Variants in CMIP observed in about 807,000 individuals in gnomAD.
CMIP encodes c-Maf inducing protein.
Under a neutral mutation model 97.3 loss-of-function variants are expected in CMIP, and 13 were observed. That is an observed-to-expected ratio of 0.13 (90% CI 0.09 to 0.21). The LOEUF (loss-of-function observed/expected upper bound fraction) is 0.21. CMIP is among the 10% of genes least tolerant of loss of function. The pLI is 1.00. For missense variants in CMIP, 847 were observed against 1,024.9 expected (o/e 0.83, Z 2.37); for synonymous variants, 538 against 436.3 (o/e 1.23, Z -2.91).
intron 1 of CMIP, among the ~76,000 whole-genome samples, chr16:81,551,308 AG>A (rs1281662767): frequency 6.6e-6 from 1 of 152,258 alleles, no homozygotes; most frequent in African/African-American, 2.4e-5. Flanking sequence ...ACCAAAAGCC[AG>A]GAAAATGGGG....
At chr16:81,561,081 A>G (rs1438965483) in intron 1 of CMIP, among the ~76,000 whole-genome samples, 2 of 152,134 alleles carry the variant, frequency 1.3e-5, no homozygotes, top group African/African-American at 2.4e-5. Flanking sequence ...CAGCCTCCTA[A>G]GTAGCTGGGA....
At chr16:81,583,099 G>C (rs2091323554) in intron 1 of CMIP, among the ~76,000 whole-genome samples, 1 of 152,262 alleles carries the variant, frequency 6.6e-6, no homozygotes, top group Non-Finnish European at 1.5e-5. Flanking sequence ...CACTCAGAGG[G>C]TAAGCTCTGG....
At chr16:81,641,380 A>G (rs564168469) in intron 3 of CMIP, among the ~76,000 whole-genome samples, 1 of 152,150 alleles carries the variant, frequency 6.6e-6, no homozygotes, top group Admixed American at 6.5e-5. Flanking sequence ...CCTGCTCCCA[A>G]GCAGCTCCTA....
chr16:81,702,496 C>G, intron 16 of CMIP, 126 bp from the exon 17 acceptor site: 1 of 971,494 alleles, frequency 1.0e-6, no homozygotes, highest in Non-Finnish European at 1.6e-6. Context: ...GAGACCAAGA[C>G]CACCGTGTTG....
intron 1 of CMIP, among the ~76,000 whole-genome samples, chr16:81,552,571 A>G (rs1362138019): frequency 6.6e-6 from 1 of 152,018 alleles, no homozygotes; most frequent in African/African-American, 2.4e-5. Flanking sequence ...CCTGTGTACC[A>G]TCTCCCAGCC....
chr16:81,480,733 C>T (rs1367886860), intron 1 of CMIP, among the ~76,000 whole-genome samples: 2 of 152,214 alleles, frequency 1.3e-5, no homozygotes. Flanking sequence ...CACTGATTCA[C>T]GTTCTCTCAT....
chr16:81,540,190 A>C (rs1195445420), intron 1 of CMIP, among the ~76,000 whole-genome samples: 2 of 152,194 alleles, frequency 1.3e-5, no homozygotes, highest in African/African-American at 4.8e-5. Flanking sequence ...CAGCTTAGTG[A>C]CCAGCATCGC....
At chr16:81,674,082 G>A (rs1431168842) in intron 9 of CMIP, among the ~76,000 whole-genome samples, 1 of 152,116 alleles carries the variant, frequency 6.6e-6, no homozygotes, top group Non-Finnish European at 1.5e-5. Flanking sequence ...ATGAGAGAGG[G>A]TGACTCTTTT....
intron 1 of CMIP, among the ~76,000 whole-genome samples, chr16:81,562,836 G>C (rs1306951639): frequency 1.3e-5 from 2 of 152,164 alleles, no homozygotes; most frequent in African/African-American, 4.8e-5. Flanking sequence ...ACACTTACTT[G>C]CTCAAAGTCA....
intron 2 of CMIP, among the ~76,000 whole-genome samples, chr16:81,608,156 GA>G (rs1304107237): frequency 6.6e-6 from 1 of 151,974 alleles, no homozygotes; most frequent in Non-Finnish European, 1.5e-5. Flanking sequence ...ATCTTTTTGG[GA>G]AAAAAAGTGC....
intron 1 of CMIP, among the ~76,000 whole-genome samples, chr16:81,543,033 G>C (rs780353729): frequency 7.9e-5 from 12 of 152,202 alleles, no homozygotes; most frequent in Non-Finnish European, 1.6e-4. Context: ...GAGCCAGTCC[G>C]TTCCACGGGG....
intron 1 of CMIP, among the ~76,000 whole-genome samples, chr16:81,556,090 G>A (rs979174524): frequency 1.3e-5 from 2 of 152,188 alleles, no homozygotes; most frequent in Non-Finnish European, 2.9e-5. Flanking sequence ...CCAGCGGTGA[G>A]CTATTTGTTC....
At chr16:81,449,666 A>G (rs1906085790) in intron 1 of CMIP, among the ~76,000 whole-genome samples, 1 of 98,382 alleles carries the variant, frequency 1.0e-5, no homozygotes, top group South Asian at 2.7e-4. Flanking sequence ...AAACACACAG[A>G]TTTCCCCCCC....
rs774219829 is a variant in CMIP at position 81,571,987 on chromosome 16, G to A, written c.301-35580G>A. ...TCACTGGAGGAAGGGTGTCTCGGAA[G>A]AGTTGCATCATGAGACCCTTGGTGG... On this transcript the variant is annotated intron_variant, in intron 1 of 20. Coordinates refer to ENST00000537098, the MANE Select transcript of CMIP (RefSeq NM_198390.3). 6.6e-5 allele frequency among the ~76,000 whole-genome samples: 10 copies of A among 152,356 alleles called. No individual in the cohort carries two copies. The South Asian group carries it at 2.1e-3, about 32-fold the overall frequency.
intron 1 of CMIP, among the ~76,000 whole-genome samples, chr16:81,587,406 G>A (rs1187502117): frequency 6.6e-6 from 1 of 152,184 alleles, no homozygotes; most frequent in Non-Finnish European, 1.5e-5. Context: ...CTGTGTCTGT[G>A]CCATATGTAC....
chr16:81,630,055 G>C (rs934886770), intron 3 of CMIP: 2 of 152,252 alleles, frequency 1.3e-5, no homozygotes, highest in East Asian at 1.9e-4. Context: ...AGACTGCCCA[G>C]GTTCCAACCC....
chr16:81,649,135 T>C (rs991917750), intron 3 of CMIP, among the ~76,000 whole-genome samples: 1 of 152,236 alleles, frequency 6.6e-6, no homozygotes, highest in East Asian at 1.9e-4. Flanking sequence ...TTGAGTGGGA[T>C]AAAGCTCATA....
At chr16:81,532,820 C>G (rs530811216) in intron 1 of CMIP, among the ~76,000 whole-genome samples, 1 of 152,156 alleles carries the variant, frequency 6.6e-6, no homozygotes, top group Non-Finnish European at 1.5e-5. Flanking sequence ...ACTGTGTGAC[C>G]TTGGACACAC....
chr16:81,486,752 C>G (rs918695270), intron 1 of CMIP, among the ~76,000 whole-genome samples: 2 of 152,278 alleles, frequency 1.3e-5, no homozygotes, highest in Non-Finnish European at 2.9e-5. Flanking sequence ...GTGGCCGGCA[C>G]TGTTGCAGAT....
Sources: gnomAD v4.1 joint callset for allele counts (sites outside exome capture counted in the v4.1 genomes callset) on GRCh38, gnomAD v4.1.1 for gene constraint, MANE v1.5 for transcripts, NCBI Gene and HGNC (gene_info 2026-07-23, HGNC 2026-07-21) for gene names.